Variants in UNC13C observed in about 807,000 individuals in gnomAD.
UNC13C encodes the protein protein unc-13 homolog C.
A neutral mutation model predicts 245.4 loss-of-function variants in UNC13C; 174 were observed. The observed-to-expected ratio is 0.71, with a 90% confidence interval of 0.63 to 0.80. The LOEUF (loss-of-function observed/expected upper bound fraction) is 0.80. Ranked by LOEUF, UNC13C falls within the 30% of genes least tolerant of loss-of-function variation. The pLI, the probability that UNC13C is intolerant of heterozygous loss-of-function variation, is 0.00. For missense variants in UNC13C, 2,829 were observed against 2,602.9 expected, an observed-to-expected ratio of 1.09 and a Z score of -1.89; for synonymous variants, 992 against 895.1, an observed-to-expected ratio of 1.11 and a Z score of -1.93.
chr15:54,361,843 G>A (rs2039239006), intron 17 of UNC13C, among the ~76,000 whole-genome samples: 1 of 152,192 alleles, frequency 6.6e-6, no homozygotes, highest in Admixed American at 6.5e-5. Flanking sequence ...TTCCCAGTCT[G>A]GGGAAGACTT....
downstream of UNC13C, chr15:54,633,249 A>C (rs1013030148): frequency 6.6e-6 from 1 of 152,208 alleles, no homozygotes; most frequent in Non-Finnish European, 1.5e-5. Context: ...CGATGTCTTA[A>C]CAATATTGAA....
At chr15:53,966,806 G>C in the UNC13C span, among the ~76,000 whole-genome samples, 1 of 152,002 alleles carries the variant, frequency 6.6e-6, no homozygotes, top group African/African-American at 2.4e-5. Context: ...TTGAATTTAA[G>C]TTTTTACTAT....
chr15:53,989,659 G>T (rs764978237), intron 1 of UNC13C, among the ~76,000 whole-genome samples: 12 of 151,956 alleles, frequency 7.9e-5, no homozygotes, highest in Non-Finnish European at 1.6e-4. Flanking sequence ...AAATTCTCCA[G>T]GGAACGAGCT....
the UNC13C span, among the ~76,000 whole-genome samples, chr15:53,863,791 A>G: frequency 6.6e-6 from 1 of 152,212 alleles, no homozygotes; most frequent in Non-Finnish European, 1.5e-5. Flanking sequence ...CTATTCCAGC[A>G]TGTGCTTACT....
Position 53,979,067 on chromosome 15 carries a change from C to A in UNC13C, c.-257+140C>A, listed in dbSNP as rs1893817643. ...AGCGTAGCAGATATATTTGTAAAAT[C>A]TCGGCTCTCCTGTTTTTATAATGTA... On this transcript the variant is annotated intron_variant, in intron 1 of 32. Coordinates refer to ENST00000260323, the MANE Select transcript of UNC13C (RefSeq NM_001080534.3). 2.0e-5 allele frequency among the ~76,000 whole-genome samples: 3 copies of A among 152,100 alleles called. No homozygotes were observed. In the South Asian group the frequency reaches 6.2e-4, roughly 32 times the overall value.
intron 30 of UNC13C, among the ~76,000 whole-genome samples, chr15:54,592,648 A>G (rs995298355): frequency 1.3e-5 from 2 of 152,112 alleles, no homozygotes; most frequent in African/African-American, 4.8e-5. Context: ...TTTGCATGAA[A>G]TGCCTTTTTC....
chr15:54,462,478 G>A (rs958773947), intron 19 of UNC13C, among the ~76,000 whole-genome samples: 14 of 152,150 alleles, frequency 9.2e-5, no homozygotes, highest in African/African-American at 2.7e-4. Context: ...CCGGAACCGG[G>A]GCTACGCACT....
At chr15:54,453,559 A>T (rs1012286781) in intron 19 of UNC13C, among the ~76,000 whole-genome samples, 4 of 152,228 alleles carry the variant, frequency 2.6e-5, no homozygotes, top group Admixed American at 6.5e-5. Flanking sequence ...ACTGTAAATA[A>T]TGCTACAGTA....
chr15:53,920,421 G>T, the UNC13C span, among the ~76,000 whole-genome samples: 5 of 152,122 alleles, frequency 3.3e-5, no homozygotes, highest in African/African-American at 1.2e-4. Context: ...GGGTGTGGTG[G>T]TGTGTGCCTG....
At chr15:54,059,635 C>G (rs192843971) in intron 2 of UNC13C, among the ~76,000 whole-genome samples, 1 of 151,978 alleles carries the variant, frequency 6.6e-6, no homozygotes, top group Non-Finnish European at 1.5e-5. Flanking sequence ...TCATATGGAA[C>G]CAAAAAAGAG....
intron 8 of UNC13C, among the ~76,000 whole-genome samples, chr15:54,253,209 C>T (rs2036197642): frequency 6.6e-6 from 1 of 152,176 alleles, no homozygotes; most frequent in South Asian, 2.1e-4. Context: ...TGTTTCCTTA[C>T]CATGAAGTCT....
the UNC13C span, among the ~76,000 whole-genome samples, chr15:53,938,404 A>C: frequency 2.6e-5 from 4 of 152,220 alleles, no homozygotes; most frequent in East Asian, 7.7e-4. Flanking sequence ...AAAGAGACTT[A>C]GACTCCCACA....
At chr15:53,859,295 T>C in the UNC13C span, among the ~76,000 whole-genome samples, 3 of 152,290 alleles carry the variant, frequency 2.0e-5, no homozygotes, top group East Asian at 5.8e-4. Context: ...CAAACTTTTT[T>C]CTTTGGTCCA....
At chr15:53,904,965 T>C in the UNC13C span, among the ~76,000 whole-genome samples, 8,574 of 152,152 alleles carry the variant, frequency 0.056, 856 homozygotes, top group African/African-American at 0.2. Context: ...GTTTTTTAAA[T>C]CTCTCTAAGG....
chr15:54,200,043 A>G (rs1186208462), intron 4 of UNC13C, among the ~76,000 whole-genome samples: 1 of 151,272 alleles, frequency 6.6e-6, no homozygotes, highest in East Asian at 2.0e-4. Flanking sequence ...TTCTTATATC[A>G]GACAAAACAA....
chr15:54,577,297 G>T (rs1167410171), intron 30 of UNC13C, among the ~76,000 whole-genome samples: 1 of 152,198 alleles, frequency 6.6e-6, no homozygotes, highest in African/African-American at 2.4e-5. Flanking sequence ...GTATGCCACT[G>T]TGCACAGTTT....
the UNC13C span, among the ~76,000 whole-genome samples, chr15:53,863,599 C>A: frequency 6.6e-6 from 1 of 152,084 alleles, no homozygotes; most frequent in Admixed American, 6.6e-5. Flanking sequence ...GAGATTTGTG[C>A]AATCATTCAA....
chr15:53,917,001 G>A, the UNC13C span, among the ~76,000 whole-genome samples: 13 of 152,284 alleles, frequency 8.5e-5, no homozygotes, highest in African/African-American at 3.1e-4. Flanking sequence ...AGAATCAGAT[G>A]ACCAGACTAT....
chr15:54,218,477 G>A (rs144122036), intron 4 of UNC13C, among the ~76,000 whole-genome samples: 7 of 151,956 alleles, frequency 4.6e-5, no homozygotes, highest in African/African-American at 1.7e-4. Flanking sequence ...AGAGGGAATG[G>A]TGGAGTAAAA....
Sources: allele counts gnomAD v4.1 joint callset (sites outside exome capture counted in the v4.1 genomes callset), GRCh38; gene constraint gnomAD v4.1.1; transcripts MANE v1.5; gene names NCBI Gene and HGNC (gene_info 2026-07-23, HGNC 2026-07-21).